DLGAP1: variants seen among roughly 807,000 people sequenced by gnomAD.
DLGAP1 encodes DLG associated protein 1.
DLGAP1 carries 11 observed loss-of-function variants against 90.8 expected under a neutral mutation model. The ratio of observed to expected loss-of-function variants is 0.12; its 90% confidence interval spans 0.08 to 0.20. DLGAP1 has a LOEUF of 0.20. Among genes scored for constraint, DLGAP1 ranks in the 10% least tolerant of loss-of-function variants. The pLI is 1.00. For missense variants in DLGAP1, 1,050 were observed against 1,333.8 expected (o/e 0.79, Z 3.31); for synonymous variants, 558 against 540.7 (o/e 1.03, Z -0.44).
intron 7 of DLGAP1, among the ~76,000 whole-genome samples, chr18:3,702,557 T>C (rs551801104): frequency 1.3e-5 from 2 of 152,220 alleles, no homozygotes; most frequent in Non-Finnish European, 2.9e-5. Context: ...CCTGGGCTTC[T>C]TCCTAGACCC....
Position 3,534,263 on chromosome 18 carries a change from G to C in DLGAP1, c.2410C>G (p.Arg804Gly). The C allele has an allele frequency of 6.2e-7, 1 of 1,614,198 alleles. No homozygotes were observed. Among genetic ancestry groups the C allele is most frequent in the Non-Finnish European group, 8.5e-7 (1 of 1,180,034 alleles). ...TGACACCACCCCTCCATGCGGTCTCGCTCTGCCTGGAGAAGCTTCAGGAAC... is the reference window on the plus strand; with the variant it reads ...TGACACCACCCCTCCATGCGGTCTCCCTCTGCCTGGAGAAGCTTCAGGAAC... ...HWFLKLLQAERDRMEGWCQQM... is the reference protein window; with the variant it reads ...HWFLKLLQAEGDRMEGWCQQM... The change falls in exon 10 of 13, where the codon CGA becomes GGA. Residue 804 changes from arginine (R) to glycine (G), a missense_variant. Coordinates refer to ENST00000315677, the MANE Select transcript of DLGAP1 (RefSeq NM_004746.4).
At chr18:4,426,714 T>C (rs1173161562) in intron 1 of DLGAP1, among the ~76,000 whole-genome samples, 1 of 152,232 alleles carries the variant, frequency 6.6e-6, no homozygotes, top group Non-Finnish European at 1.5e-5. Flanking sequence ...AAGTATCATC[T>C]GCCTAGAACA....
chr18:4,193,980 CTAT>C (rs2077447571), intron 1 of DLGAP1, among the ~76,000 whole-genome samples: 2 of 152,014 alleles, frequency 1.3e-5, no homozygotes, highest in Admixed American at 1.3e-4. Flanking sequence ...CCCTATTTTT[CTAT>C]TATAATTTCA....
At chr18:4,229,017 C>T (rs534477944) in intron 1 of DLGAP1, among the ~76,000 whole-genome samples, 66 of 151,970 alleles carry the variant, frequency 4.3e-4, no homozygotes, top group Non-Finnish European at 7.5e-4. Flanking sequence ...CATAAAGCAT[C>T]AGTAGCATTT....
intron 2 of DLGAP1, among the ~76,000 whole-genome samples, chr18:4,068,533 T>C (rs897433092): frequency 2.0e-5 from 3 of 152,128 alleles, no homozygotes; most frequent in African/African-American, 7.2e-5. Flanking sequence ...GTTTAGATTA[T>C]TTTTGGATAT....
chr18:4,160,400 T>G (rs975997207), intron 1 of DLGAP1, among the ~76,000 whole-genome samples: 13 of 152,192 alleles, frequency 8.5e-5, no homozygotes, highest in African/African-American at 3.1e-4. Context: ...TTTCAGTTTT[T>G]CCCCCTCTGT....
chr18:4,387,940 C>T (rs1407948077), intron 1 of DLGAP1, among the ~76,000 whole-genome samples: 6 of 127,350 alleles, frequency 4.7e-5, no homozygotes, highest in African/African-American at 7.0e-5. Flanking sequence ...TACACACACA[C>T]ACACACACAC....
At chr18:3,733,222 G>A (rs996996715) in intron 6 of DLGAP1, among the ~76,000 whole-genome samples, 5 of 152,044 alleles carry the variant, frequency 3.3e-5, no homozygotes, top group South Asian at 4.1e-4. Flanking sequence ...GCAAATAAAC[G>A]TATTATGCTC....
At chr18:4,210,328 A>G (rs187345870) in intron 1 of DLGAP1, among the ~76,000 whole-genome samples, 138 of 152,308 alleles carry the variant, frequency 9.1e-4, no homozygotes, top group African/African-American at 3.1e-3. Context: ...GAGGCATTAT[A>G]TAATAATCAG....
chr18:3,666,664 A>G (rs1471451024), intron 7 of DLGAP1, among the ~76,000 whole-genome samples: 1 of 152,192 alleles, frequency 6.6e-6, no homozygotes, highest in Non-Finnish European at 1.5e-5. Flanking sequence ...TTCCTTTTCC[A>G]TCCTTAGCAG....
intron 1 of DLGAP1, among the ~76,000 whole-genome samples, chr18:4,278,209 CT>C (rs1294641176): frequency 6.6e-6 from 1 of 152,200 alleles, no homozygotes; most frequent in East Asian, 1.9e-4. Flanking sequence ...TATAGTACTT[CT>C]TTTCTCAGAG....
chr18:4,249,683 G>A (rs1465192098), intron 1 of DLGAP1, among the ~76,000 whole-genome samples: 1 of 152,094 alleles, frequency 6.6e-6, no homozygotes, highest in Non-Finnish European at 1.5e-5. Flanking sequence ...TATCTCCACG[G>A]TTCAAGCAAT....
intron 9 of DLGAP1, among the ~76,000 whole-genome samples, chr18:3,562,943 C>T (rs1171851233): frequency 6.6e-6 from 1 of 152,120 alleles, no homozygotes; most frequent in Non-Finnish European, 1.5e-5. Flanking sequence ...ATCTTTCCAC[C>T]TCAGCCTACT....
intron 1 of DLGAP1, among the ~76,000 whole-genome samples, chr18:4,160,068 G>T (rs2076819713): frequency 1.3e-5 from 2 of 152,176 alleles, no homozygotes; most frequent in African/African-American, 2.4e-5. Context: ...GTTACAAAAA[G>T]ATTTACAATT....
At chr18:3,976,889 A>C (rs1261823893) in intron 3 of DLGAP1, among the ~76,000 whole-genome samples, 1 of 152,174 alleles carries the variant, frequency 6.6e-6, no homozygotes, top group Admixed American at 6.5e-5. Flanking sequence ...TAAATCTGTT[A>C]ATTTAATAGA....
chr18:3,978,236 A>G (rs1034823594), intron 3 of DLGAP1: 4 of 430,140 alleles, frequency 9.3e-6, no homozygotes, highest in Non-Finnish European at 1.4e-5. Context: ...GTTCATGCCC[A>G]TCAGCAGAGG....
chr18:3,740,823 T>TTGCTATTACCATAATCATCACCAC (rs1568046547), intron 6 of DLGAP1, among the ~76,000 whole-genome samples: 1 of 142,814 alleles, frequency 7.0e-6, no homozygotes, highest in East Asian at 2.2e-4. Flanking sequence ...ACTGTCACCA[T>TTGCTATTACCATAATCATCACCAC]TGCTATTACC....
At chr18:4,162,515 A>C (rs1296095624) in intron 1 of DLGAP1, among the ~76,000 whole-genome samples, 1 of 152,230 alleles carries the variant, frequency 6.6e-6, no homozygotes, top group Non-Finnish European at 1.5e-5. Flanking sequence ...AATCCAAGTC[A>C]ATTATAACTA....
intron 7 of DLGAP1, chr18:3,596,626 T>G (rs1297839640): frequency 3.4e-6 from 1 of 296,348 alleles, no homozygotes; most frequent in Non-Finnish European, 6.5e-6. Flanking sequence ...GATCAGGCAC[T>G]GCTGTCTGTC....
Sources: allele counts gnomAD v4.1 joint callset (sites outside exome capture counted in the v4.1 genomes callset), GRCh38; gene constraint gnomAD v4.1.1; transcripts MANE v1.5; gene names NCBI Gene and HGNC (gene_info 2026-07-23, HGNC 2026-07-21).